AGBL1: variants seen among roughly 807,000 people sequenced by gnomAD.
AGBL1 encodes the protein AGBL carboxypeptidase 1, also known as cytosolic carboxypeptidase 4.
Under a neutral mutation model 118.9 loss-of-function variants are expected in AGBL1, and 130 were observed. That is an observed-to-expected ratio of 1.09 (90% CI 0.95 to 1.26). The LOEUF (loss-of-function observed/expected upper bound fraction) is 1.26. Among genes scored for constraint, AGBL1 ranks in the 50% most tolerant of loss-of-function variants. The pLI, the probability that AGBL1 is intolerant of heterozygous loss-of-function variation, is 0.00. For synonymous variants in AGBL1, 555 were observed against 478.9 expected, an observed-to-expected ratio of 1.16 and a Z score of -2.08; for missense variants, 1,584 against 1,298.1, an observed-to-expected ratio of 1.22 and a Z score of -3.38.
At chr15:86,337,341 G>GAA (rs139739654) in intron 17 of AGBL1, among the ~76,000 whole-genome samples, 1 of 150,102 alleles carries the variant, frequency 6.7e-6, no homozygotes, top group African/African-American at 2.4e-5. Context: ...TTCTAGAAAA[G>GAA]AAAAAAAAAG....
intron 22 of AGBL1, among the ~76,000 whole-genome samples, chr15:86,707,652 A>G (rs2086476786): frequency 6.6e-6 from 1 of 152,190 alleles, no homozygotes; most frequent in Non-Finnish European, 1.5e-5. Context: ...GCAAAGCCTC[A>G]TAAGTTCAAT....
Position 86,648,753 on chromosome 15 carries a change from T to C in AGBL1, c.2995-25520T>C, listed in dbSNP as rs540005399. ...AAAACCAGGAGATGAACTAGTAGTATAGTGTCCTAGAAGCCCAGTGAAGAG... is the reference window on the plus strand; with the variant it reads ...AAAACCAGGAGATGAACTAGTAGTACAGTGTCCTAGAAGCCCAGTGAAGAG... On this transcript the variant is annotated intron_variant, in intron 21 of 22. Coordinates refer to ENST00000614907, the MANE Select transcript of AGBL1 (RefSeq NM_001386094.1). 6.6e-5 allele frequency among the ~76,000 whole-genome samples: 10 copies of C among 152,228 alleles called. No individual in the cohort carries two copies. In the South Asian group the frequency reaches 1.7e-3, roughly 25 times the overall value.
At chr15:86,634,744 T>C (rs963465998) in intron 21 of AGBL1, among the ~76,000 whole-genome samples, 2 of 152,066 alleles carry the variant, frequency 1.3e-5, no homozygotes, top group African/African-American at 4.8e-5. Context: ...AAAAGAAAAA[T>C]GTGCCAGGAA....
intron 5 of AGBL1, among the ~76,000 whole-genome samples, chr15:86,195,265 AAGGG>A (rs2077783720): frequency 6.6e-6 from 1 of 152,114 alleles, no homozygotes; most frequent in Non-Finnish European, 1.5e-5. Flanking sequence ...CTCCTAGTTG[AAGGG>A]TACCTTGGTG....
intron 22 of AGBL1, among the ~76,000 whole-genome samples, chr15:86,689,882 A>G (rs980746804): frequency 2.6e-5 from 4 of 152,178 alleles, no homozygotes; most frequent in Admixed American, 6.5e-5. Context: ...AGAGCATGCC[A>G]CCTTGGAAGA....
intron 18 of AGBL1, among the ~76,000 whole-genome samples, chr15:86,417,750 A>G (rs1169462070): frequency 6.6e-6 from 1 of 152,202 alleles, no homozygotes; most frequent in Non-Finnish European, 1.5e-5. Context: ...ATGCTGGTCT[A>G]CATGAGAGAC....
chr15:86,754,410 C>T (rs1048582195), intron 22 of AGBL1, among the ~76,000 whole-genome samples: 1 of 152,100 alleles, frequency 6.6e-6, no homozygotes, highest in African/African-American at 2.4e-5. Flanking sequence ...ATTAATGGTT[C>T]TGTCACCAGG....
At chr15:86,126,571 G>A (rs887480386) in intron 1 of AGBL1, among the ~76,000 whole-genome samples, 5 of 152,180 alleles carry the variant, frequency 3.3e-5, no homozygotes, top group African/African-American at 9.7e-5. Context: ...GACCTCTCTA[G>A]GAGAATGTTT....
Position 86,247,752 on chromosome 15 carries a change from C to T in AGBL1, c.608C>T (p.Thr203Ile). Residue 203 changes from threonine (T) to isoleucine (I), a missense_variant, in exon 7 of 23, where the codon ACA (threonine) becomes ATA (isoleucine). Coordinates refer to ENST00000614907, the MANE Select transcript of AGBL1 (RefSeq NM_001386094.1). ...GLHQDWHSHD[T>I]ANAYVQIRRG... ...CACCAGGACTGGCACAGCCATGACA[C>T]AGCCAACGCCTACGTGCAGATCCGA... is the stretch of plus-strand genomic sequence containing the variant. 6.2e-7 allele frequency: 1 copy of T among 1,613,942 alleles called. No homozygotes were observed. The highest frequency in any genetic ancestry group is 8.5e-7 in the Non-Finnish European group (1 of 1,179,874).
intron 21 of AGBL1, among the ~76,000 whole-genome samples, chr15:86,589,185 C>A (rs1047095979): frequency 6.6e-6 from 1 of 152,074 alleles, no homozygotes; most frequent in Non-Finnish European, 1.5e-5. Context: ...AGAGCCCCGG[C>A]ATCAGAAAGT....
At chr15:86,678,099 T>C (rs1267946177) in intron 22 of AGBL1, among the ~76,000 whole-genome samples, 1 of 152,226 alleles carries the variant, frequency 6.6e-6, no homozygotes, top group African/African-American at 2.4e-5. Context: ...AATTAACCTA[T>C]GTATCACCCC....
At chr15:86,408,091 T>C (rs780071781) in intron 18 of AGBL1, among the ~76,000 whole-genome samples, 25 of 152,130 alleles carry the variant, frequency 1.6e-4, no homozygotes, top group Middle Eastern at 3.2e-3. Context: ...TCTTTCCCTG[T>C]CTCTATCTCT....
chr15:86,768,369 C>T (rs2141283734), intron 22 of AGBL1, among the ~76,000 whole-genome samples: 1 of 152,140 alleles, frequency 6.6e-6, no homozygotes, highest in East Asian at 1.9e-4. Context: ...AACATTACTG[C>T]TATAGCCCGC....
At chr15:86,514,473 GTTCTT>G (rs1224518729) in intron 18 of AGBL1, among the ~76,000 whole-genome samples, 6 of 152,150 alleles carry the variant, frequency 3.9e-5, no homozygotes, top group Admixed American at 2.0e-4. Flanking sequence ...ACTCAGTTCA[GTTCTT>G]TTCTTCTTAC....
chr15:86,603,596 A>G (rs1466355680), intron 21 of AGBL1, among the ~76,000 whole-genome samples: 1 of 152,140 alleles, frequency 6.6e-6, no homozygotes, highest in Non-Finnish European at 1.5e-5. Context: ...CCTACCAGAA[A>G]AGAAATCTTT....
intron 20 of AGBL1, among the ~76,000 whole-genome samples, chr15:86,551,396 G>C (rs1018782841): frequency 1.3e-5 from 2 of 152,092 alleles, no homozygotes; most frequent in East Asian, 1.9e-4. Context: ...GGGATTGAAA[G>C]AAGGGGCATC....
At chr15:86,519,377 C>T (rs991011637) in intron 18 of AGBL1, among the ~76,000 whole-genome samples, 8 of 152,140 alleles carry the variant, frequency 5.3e-5, no homozygotes, top group African/African-American at 1.9e-4. Context: ...TAATTCTCCC[C>T]CCATAGAAGG....
intron 24 of AGBL1, among the ~76,000 whole-genome samples, chr15:86,991,083 C>T (rs935710971): frequency 1.3e-5 from 2 of 152,108 alleles, no homozygotes; most frequent in African/African-American, 2.4e-5. Context: ...GATCCTGAGA[C>T]CTGCAATGTA....
At chr15:86,866,328 C>G (rs893352377) in intron 22 of AGBL1, among the ~76,000 whole-genome samples, 1 of 152,140 alleles carries the variant, frequency 6.6e-6, no homozygotes, top group Non-Finnish European at 1.5e-5. Flanking sequence ...GACTTCAGTT[C>G]CATTGATGGC....
Sources: allele counts gnomAD v4.1 joint callset (sites outside exome capture counted in the v4.1 genomes callset), GRCh38; gene constraint gnomAD v4.1.1; transcripts MANE v1.5; gene names NCBI Gene and HGNC (gene_info 2026-07-23, HGNC 2026-07-21).